Variants in SAMD5 observed in about 807,000 individuals in gnomAD.
SAMD5 encodes the protein sterile alpha motif domain containing 5, also known as sterile alpha motif domain-containing protein 5.
A neutral mutation model predicts 11.3 loss-of-function variants in SAMD5; 13 were observed. The observed-to-expected ratio is 1.15, with a 90% CI of 0.75 to 1.83. The LOEUF is 1.83. SAMD5 is among the 40% of genes most tolerant of loss of function. SAMD5 has a pLI of 0.00. For missense variants in SAMD5, 255 were observed against 239.1 expected (o/e 1.07, Z -0.44); for synonymous variants, 129 against 111.3 (o/e 1.16, Z -1.00).
At position 147,647,001 on chromosome 6, in the gene SAMD5, AT is replaced by A. The variant is rs1562342165; in HGVS notation, c.163-90315del. Among the ~76,000 whole-genome samples, 800 of 146,570 alleles carry A rather than the reference AT, an allele frequency of 5.5e-3. 2 individuals carry two copies. Among genetic ancestry groups the A allele is most frequent in the Middle Eastern group, 0.032 (9 of 282 alleles). Reference sequence around the variant, plus strand: ...AATAATAATAATAATAATAATAATAATAATAATAATAATAAAATAGCTGGCC... The same window carrying A: ...AATAATAATAATAATAATAATAATAAAATAATAATAATAAAATAGCTGGCC... On this transcript the variant is annotated intron_variant, in intron 1 of 1. Coordinates refer to the SAMD5 transcript ENST00000566741.
chr6:147,799,697 C>T, the SAMD5 span, among the ~76,000 whole-genome samples: 317 of 151,114 alleles, frequency 2.1e-3, 1 homozygote, highest in African/African-American at 7.1e-3. Context: ...CCATCACTTT[C>T]AGGTACACCA....
the SAMD5 span, among the ~76,000 whole-genome samples, chr6:147,864,495 T>A: frequency 6.6e-6 from 1 of 152,248 alleles, no homozygotes; most frequent in African/African-American, 2.4e-5. Context: ...AGAAATGAGA[T>A]GTCCTTTACA....
At chr6:147,838,234 G>A in the SAMD5 span, among the ~76,000 whole-genome samples, 3 of 152,136 alleles carry the variant, frequency 2.0e-5, no homozygotes, top group Non-Finnish European at 4.4e-5. Flanking sequence ...GAACTGTTGA[G>A]AGAGGCATAA....
intron 1 of SAMD5, among the ~76,000 whole-genome samples, chr6:147,560,679 C>T (rs1788933241): frequency 6.6e-6 from 1 of 152,102 alleles, no homozygotes; most frequent in Non-Finnish European, 1.5e-5. Context: ...AGTTAAAAAT[C>T]AGAGTAATCA....
the SAMD5 span, among the ~76,000 whole-genome samples, chr6:147,943,558 C>T: frequency 1.3e-5 from 2 of 152,050 alleles, no homozygotes; most frequent in African/African-American, 2.4e-5. Context: ...CCCTAGGCTC[C>T]CAGAAAGCTG....
the SAMD5 span, among the ~76,000 whole-genome samples, chr6:147,866,326 C>T: frequency 3.7e-4 from 57 of 152,266 alleles, 2 homozygotes; most frequent in Admixed American, 3.2e-3. Flanking sequence ...GGGAAGGATA[C>T]GTTTCCTTTG....
Position 147,568,531 on chromosome 6 carries a change from G to A in SAMD5, c.*4075G>A. On this transcript the variant is annotated 3_prime_UTR_variant, in exon 2 of 2. Transcript: ENST00000367474. ...TCTAGGGAAAATAAGAGAAATAAGT[G>A]AAAGTCTGACCCTACATTGCCAATT... 1.0e-6 allele frequency: 1 copy of A among 985,382 alleles called. No homozygotes were observed. The highest frequency in any genetic ancestry group is 1.2e-6 in the Non-Finnish European group (1 of 829,904). 61.0% of individuals were successfully genotyped at this position (985,382 alleles called of 1,614,324 possible). A position where few individuals can be genotyped will look rare whatever the true frequency, so the allele number is the denominator to read the frequency against.
the SAMD5 span, among the ~76,000 whole-genome samples, chr6:147,909,087 C>T: frequency 6.6e-6 from 1 of 152,072 alleles, no homozygotes; most frequent in African/African-American, 2.4e-5. Flanking sequence ...TGTGCACCTG[C>T]AGTCCTTGCT....
intron 1 of SAMD5, among the ~76,000 whole-genome samples, chr6:147,511,915 C>A (rs1402835799): frequency 2.6e-5 from 4 of 152,148 alleles, no homozygotes; most frequent in Non-Finnish European, 5.9e-5. Flanking sequence ...ATTCTAATTT[C>A]TCCACTTTCC....
chr6:147,941,365 A>G, the SAMD5 span, among the ~76,000 whole-genome samples: 50,422 of 151,956 alleles, frequency 0.33, 8,879 homozygotes, highest in South Asian at 0.53. Context: ...GGTTAAAGGG[A>G]CTTTGGCAGA....
chr6:147,534,053 G>A (rs980713723), intron 1 of SAMD5, among the ~76,000 whole-genome samples: 1 of 141,466 alleles, frequency 7.1e-6, no homozygotes, highest in Admixed American at 6.9e-5. Flanking sequence ...TAGCCCATAA[G>A]GAGGGCCAGG....
At chr6:147,512,092 G>T (rs1022506970) in intron 1 of SAMD5, among the ~76,000 whole-genome samples, 1 of 152,064 alleles carries the variant, frequency 6.6e-6, no homozygotes, top group Non-Finnish European at 1.5e-5. Flanking sequence ...GTAGTACCTG[G>T]GATTACAGGC....
the SAMD5 span, among the ~76,000 whole-genome samples, chr6:147,949,015 A>G: frequency 6.6e-6 from 1 of 152,262 alleles, no homozygotes; most frequent in Non-Finnish European, 1.5e-5. Flanking sequence ...GAAGAAGGTT[A>G]GATTTCAAAC....
the SAMD5 span, among the ~76,000 whole-genome samples, chr6:147,814,415 AT>A: frequency 6.6e-6 from 1 of 152,286 alleles, no homozygotes; most frequent in South Asian, 2.1e-4. Flanking sequence ...AAGATTCTAT[AT>A]TTTTTTAGGC....
the SAMD5 span, among the ~76,000 whole-genome samples, chr6:147,847,307 G>C: frequency 6.6e-6 from 1 of 152,168 alleles, no homozygotes; most frequent in Admixed American, 6.5e-5. Flanking sequence ...TTAACTCTAA[G>C]CAGAAACTGC....
chr6:147,732,525 A>G (rs1343509590), intron 1 of SAMD5, among the ~76,000 whole-genome samples: 1 of 152,202 alleles, frequency 6.6e-6, no homozygotes, highest in Non-Finnish European at 1.5e-5. Context: ...AAACACAAGA[A>G]TTATGTCAAG....
chr6:147,726,971 C>G (rs1161072339), intron 1 of SAMD5, among the ~76,000 whole-genome samples: 4 of 152,208 alleles, frequency 2.6e-5, no homozygotes, highest in Non-Finnish European at 5.9e-5. Flanking sequence ...AGCCTCACCT[C>G]TCTGCAGACT....
the SAMD5 span, among the ~76,000 whole-genome samples, chr6:147,790,052 T>C: frequency 6.6e-6 from 1 of 152,222 alleles, no homozygotes; most frequent in African/African-American, 2.4e-5. Flanking sequence ...AGTAGCCGTA[T>C]GATCCAGCAG....
the SAMD5 span, among the ~76,000 whole-genome samples, chr6:147,802,657 G>T: frequency 6.6e-6 from 1 of 151,158 alleles, no homozygotes; most frequent in African/African-American, 2.4e-5. Context: ...CAAGCCAAAT[G>T]TTCATCAGAG....
Sources: allele counts gnomAD v4.1 joint callset (sites outside exome capture counted in the v4.1 genomes callset), GRCh38; gene constraint gnomAD v4.1.1; transcripts MANE v1.5; gene names NCBI Gene and HGNC (gene_info 2026-07-23, HGNC 2026-07-21).